XCL1: variants seen among roughly 807,000 people sequenced by gnomAD.
XCL1 encodes the protein X-C motif chemokine ligand 1, also known as lymphotactin.
XCL1 carries 6 observed loss-of-function variants against 7.4 expected under a neutral mutation model. That is an observed-to-expected ratio of 0.82 (90% CI 0.45 to 1.61). The LOEUF is 1.61. Ranked by LOEUF, XCL1 falls within the 40% of genes most tolerant of loss-of-function variation. The pLI, the probability that XCL1 is intolerant of heterozygous loss-of-function variation, is 0.01. For synonymous variants in XCL1, 48 were observed against 52.4 expected, an observed-to-expected ratio of 0.92 and a Z score of 0.36; for missense variants, 122 against 138.2, an observed-to-expected ratio of 0.88 and a Z score of 0.59.
chr1:168,576,754 C>A, intron 1 of XCL1, 56 bp downstream of exon 1: 1 of 1,612,540 alleles, frequency 6.2e-7, no homozygotes, highest in Non-Finnish European at 8.5e-7. Flanking sequence ...CAGGTGGGCA[C>A]ACATTTTGGG....
In XCL1 at chr1:168,581,066, G is replaced by A. The variant is rs1270776832; in HGVS notation, c.191G>A (p.Arg64His). The A allele has an allele frequency of 3.1e-6, 5 of 1,613,474 alleles. No homozygotes were observed. Among genetic ancestry groups the A allele is most frequent in the Admixed American group, 1.7e-5 (1 of 59,938 alleles). Residue 64 changes from arginine (R) to histidine (H), a missense_variant, in exon 3 of 3, where the codon CGT (arginine) becomes CAT (histidine). By Grantham distance (29) the Arg-to-His change is conservative. Transcript: ENST00000367818. ...TTGCGTTACAGTTTTATTACCAAACGTGGCCTAAAAGTCTGTGCTGATCCA... is the reference window on the plus strand; with the variant it reads ...TTGCGTTACAGTTTTATTACCAAACATGGCCTAAAAGTCTGTGCTGATCCA... ...SLRAVIFITK[R>H]GLKVCADPQA...
chr1:168,578,655 C>G, intron 1 of XCL1: 1 of 265,364 alleles, frequency 3.8e-6, no homozygotes, highest in South Asian at 4.6e-5. Context: ...GTACATTTAA[C>G]CCAGTTTAGT....
chr1:168,581,065 C>T lies in XCL1; in HGVS notation c.190C>T (p.Arg64Cys), dbSNP rs758921870. Residue 64 changes from arginine (R) to cysteine (C), a missense_variant, in exon 3 of 3, where the codon CGT becomes TGT. Physicochemically the swap from Arg to Cys is radical, Grantham distance 180. Transcript: ENST00000367818. ...SLRAVIFITK[R>C]GLKVCADPQA... is the part of the protein sequence containing the mutation. Reference sequence around the variant, plus strand: ...CTTGCGTTACAGTTTTATTACCAAACGTGGCCTAAAAGTCTGTGCTGATCC... The same window carrying T: ...CTTGCGTTACAGTTTTATTACCAAATGTGGCCTAAAAGTCTGTGCTGATCC... 1.0e-4 allele frequency: 169 copies of T among 1,613,492 alleles called. No individual in the cohort carries two copies. The highest frequency in any genetic ancestry group is 8.7e-4 in the South Asian group (79 of 91,046).
chr1:168,581,736 C>G lies in XCL1; in HGVS notation c.*516C>G, dbSNP rs1033598998. ...TGAGGGTCCACTACTCAAAAATTTGCTTCACTCAATTTTTTTCACCTCTTT... is the reference window on the plus strand; with the variant it reads ...TGAGGGTCCACTACTCAAAAATTTGGTTCACTCAATTTTTTTCACCTCTTT... On this transcript the variant is annotated 3_prime_UTR_variant, in exon 3 of 3. Coordinates refer to ENST00000367818, the MANE Select transcript of XCL1 (RefSeq NM_002995.3). The G allele has an allele frequency of 6.6e-6, 1 of 152,192 alleles. No homozygotes were observed. The highest frequency in any genetic ancestry group is 2.4e-5 in the African/African-American group (1 of 41,458). 9.4% of individuals were successfully genotyped at this position (152,192 alleles called of 1,614,324 possible).
chr1:168,579,970 C>A, intron 1 of XCL1, 93 bp from the exon 2 acceptor site: 1 of 1,313,040 alleles, frequency 7.6e-7, no homozygotes, highest in Non-Finnish European at 1.0e-6. Context: ...TAAATTCTCA[C>A]AACATTCTCA....
chr1:168,579,776 A>G (rs373469719), intron 1 of XCL1, among the ~76,000 whole-genome samples: 1 of 152,094 alleles, frequency 6.6e-6, no homozygotes, highest in Admixed American at 6.6e-5. Flanking sequence ...GCCGTCCCAA[A>G]TGTCTAAGTG....
At chr1:168,578,712 A>G in intron 1 of XCL1, 2 of 338,710 alleles carry the variant, frequency 5.9e-6, no homozygotes, top group Non-Finnish European at 5.6e-6. Context: ...ATTGTGAGCC[A>G]CAGATTTTGG....
chr1:168,577,192 G>C (rs1193261506), intron 1 of XCL1, among the ~76,000 whole-genome samples: 2 of 152,052 alleles, frequency 1.3e-5, no homozygotes, highest in Non-Finnish European at 2.9e-5. Context: ...TTACAATGTG[G>C]GGATGCACCA....
At position 168,581,839 on chromosome 1, in the gene XCL1, A is replaced by T. The variant is rs573322469; in HGVS notation, c.*619A>T. On this transcript the variant is annotated 3_prime_UTR_variant, in exon 3 of 3. Coordinates refer to ENST00000367818, the MANE Select transcript of XCL1 (RefSeq NM_002995.3). ...TTTTTGTCCCATTAGCAAAAATTAG[A>T]ATTTTGGTATAAAGAAACTTTATTC... The T allele has an allele frequency of 5.3e-5, 8 of 152,324 alleles. No individual in the cohort carries two copies. The South Asian group carries it at 1.7e-3, about 32-fold the overall frequency. The allele number at this position is 152,324 out of a possible 1,614,324, so 9.4% of individuals were successfully genotyped here. A position where few individuals can be genotyped will look rare whatever the true frequency, so the allele number is the denominator to read the frequency against.
chr1:168,578,944 T>C (rs977202880), intron 1 of XCL1: 3 of 373,422 alleles, frequency 8.0e-6, no homozygotes, highest in African/African-American at 6.4e-5. Flanking sequence ...TTAACCAGCT[T>C]GATGGGGTCC....
chr1:168,578,876 T>C (rs1655087270), intron 1 of XCL1: 5 of 393,502 alleles, frequency 1.3e-5, no homozygotes, highest in Non-Finnish European at 2.4e-5. Context: ...CTTGCCTTCT[T>C]ACCCCTTGAT....
At chr1:168,578,728 G>C (rs935532406) in intron 1 of XCL1, 6 of 373,674 alleles carry the variant, frequency 1.6e-5, no homozygotes, top group African/African-American at 8.4e-5. Flanking sequence ...TTTGGACTCG[G>C]GACATTGCAG....
Position 168,581,812 on chromosome 1 carries a change from C to T in XCL1, c.*592C>T, listed in dbSNP as rs943320258. ...AGGAATAAAATGACACAACTTGTCC[C>T]TTTTTTGTCCCATTAGCAAAAATTA... On this transcript the variant is annotated 3_prime_UTR_variant, in exon 3 of 3. Transcript: ENST00000367818. 1 of 152,108 alleles carries T rather than the reference C, an allele frequency of 6.6e-6. No individual in the cohort carries two copies. The highest frequency in any genetic ancestry group is 1.5e-5 in the Non-Finnish European group (1 of 68,012). The allele number at this position is 152,108 out of a possible 1,614,324, so 9.4% of individuals were successfully genotyped here.
At chr1:168,580,597 A>C (rs552023995) in intron 2 of XCL1, among the ~76,000 whole-genome samples, 1 of 152,182 alleles carries the variant, frequency 6.6e-6, no homozygotes, top group Admixed American at 6.5e-5. Context: ...CACAACCTAC[A>C]TGGTCCCTTT....
At chr1:168,580,777 A>G (rs149123936) in intron 2 of XCL1, among the ~76,000 whole-genome samples, 1 of 152,330 alleles carries the variant, frequency 6.6e-6, no homozygotes, top group African/African-American at 2.4e-5. Context: ...GTTGGCCTCA[A>G]AGTCTTTTTG....
intron 2 of XCL1, 39 bp downstream of exon 2, chr1:168,580,216 C>A: frequency 6.2e-7 from 1 of 1,605,666 alleles, no homozygotes; most frequent in Non-Finnish European, 8.5e-7. Flanking sequence ...GGGTGGGTAT[C>A]TAGAAGTATA....
Position 168,581,271 on chromosome 1 carries a change from C to A in XCL1, c.*51C>A. Reference sequence around the variant, plus strand: ...CAGCCAGCCAGCTCATTTCACTTTACACGCTCATGGACTGAGTTTATACTC... The same window carrying A: ...CAGCCAGCCAGCTCATTTCACTTTAAACGCTCATGGACTGAGTTTATACTC... On this transcript the variant is annotated 3_prime_UTR_variant, in exon 3 of 3. Coordinates refer to ENST00000367818, the MANE Select transcript of XCL1 (RefSeq NM_002995.3). 2 of 1,603,344 alleles carry A rather than the reference C, an allele frequency of 1.2e-6. No individual in the cohort carries two copies. Among genetic ancestry groups the A allele is most frequent in the Non-Finnish European group, 1.7e-6 (2 of 1,173,284 alleles).
intron 2 of XCL1, 30 bp downstream of exon 2, chr1:168,580,207 G>C: frequency 6.2e-7 from 1 of 1,610,276 alleles, no homozygotes; most frequent in South Asian, 1.1e-5. Context: ...AGTTGTGCTG[G>C]GTGGGTATCT....
chr1:168,580,982 T>C (rs1572579475), intron 2 of XCL1, 70 bp from the exon 3 acceptor site: 3 of 1,574,148 alleles, frequency 1.9e-6, no homozygotes, highest in Non-Finnish European at 2.6e-6. Context: ...ATGTCTGCCC[T>C]GATCTTAACT....
Sources: gnomAD v4.1 joint callset for allele counts (sites outside exome capture counted in the v4.1 genomes callset) on GRCh38, gnomAD v4.1.1 for gene constraint, MANE v1.5 for transcripts, NCBI Gene and HGNC (gene_info 2026-07-23, HGNC 2026-07-21) for gene names.